The following GRIK4 variants were observed in gnomAD, a reference collection of about 807,000 sequenced individuals.
GRIK4 encodes glutamate ionotropic receptor kainate type subunit 4, also known as glutamate receptor ionotropic, kainate 4.
A neutral mutation model predicts 104.9 loss-of-function variants in GRIK4; 40 were observed. The ratio of observed to expected loss-of-function variants is 0.38; its 90% CI spans 0.30 to 0.50. The LOEUF is 0.50. Ranked by LOEUF, GRIK4 falls within the 20% of genes least tolerant of loss-of-function variation. The pLI is 0.93. For missense variants in GRIK4, 1,047 were observed against 1,308.1 expected (o/e 0.80, Z 3.08); for synonymous variants, 485 against 524.9 (o/e 0.92, Z 1.04).
intron 4 of GRIK4, among the ~76,000 whole-genome samples, chr11:120,813,090 G>A (rs1419265857): frequency 1.3e-5 from 2 of 152,214 alleles, no homozygotes; most frequent in African/African-American, 2.4e-5. Context: ...TTCAGTAGAC[G>A]AGGTGGGCGG....
At chr11:120,891,130 T>G (rs187474804) in intron 11 of GRIK4, among the ~76,000 whole-genome samples, 1 of 152,194 alleles carries the variant, frequency 6.6e-6, no homozygotes, top group East Asian at 1.9e-4. Flanking sequence ...GCAGGCAGGA[T>G]TGCCAGGGCT....
intron 1 of GRIK4, among the ~76,000 whole-genome samples, chr11:120,588,441 T>C (rs1449440573): frequency 6.6e-6 from 1 of 152,088 alleles, no homozygotes; most frequent in Non-Finnish European, 1.5e-5. Flanking sequence ...CTCAATGGGA[T>C]GGGGAGACCG....
chr11:120,541,003 A>G (rs1948028435), intron 1 of GRIK4, among the ~76,000 whole-genome samples: 2 of 152,218 alleles, frequency 1.3e-5, no homozygotes, highest in South Asian at 4.1e-4. Flanking sequence ...TTTGTCTGCT[A>G]CACGTGGCCC....
chr11:120,693,752 G>A (rs1056883137), intron 3 of GRIK4, among the ~76,000 whole-genome samples: 1 of 152,184 alleles, frequency 6.6e-6, no homozygotes, highest in South Asian at 2.1e-4. Flanking sequence ...TGGATGTGGG[G>A]TAGTGGGCAT....
intron 13 of GRIK4, among the ~76,000 whole-genome samples, chr11:120,906,804 C>A (rs1253995392): frequency 1.3e-5 from 2 of 152,142 alleles, no homozygotes; most frequent in African/African-American, 4.8e-5. Flanking sequence ...TCTGCAATGA[C>A]CGAGCAGGGT....
chr11:120,988,106 G>T lies in GRIK4; in HGVS notation c.*1846G>T, dbSNP rs11218094. On this transcript the variant is annotated 3_prime_UTR_variant, in exon 21 of 21. Transcript: ENST00000527524. ...ATCAGTTAGGGCTGCCGTCCTGGGG[G>T]CCAAATGGTACCCTGATTATTCCTG... The T allele has an allele frequency of 0.14, 21,223 of 152,174 alleles. 1,875 individuals are homozygous for T. The highest frequency in any genetic ancestry group is 0.35 in the East Asian group (1,799 of 5,170). 9.4% of individuals were successfully genotyped at this position (152,174 alleles called of 1,614,324 possible).
intron 3 of GRIK4, among the ~76,000 whole-genome samples, chr11:120,753,295 C>CTG (rs1491473145): frequency 3.4e-5 from 4 of 116,050 alleles, no homozygotes; most frequent in Non-Finnish European, 6.9e-5. Context: ...GACAACACAA[C>CTG]TCTGTGTGTG....
At chr11:120,646,522 T>C (rs1949545001) in intron 1 of GRIK4, among the ~76,000 whole-genome samples, 1 of 152,150 alleles carries the variant, frequency 6.6e-6, no homozygotes. Context: ...ATTATTTTTT[T>C]TGCTAGCATT....
chr11:120,621,771 A>G (rs1361821406), intron 1 of GRIK4, among the ~76,000 whole-genome samples: 2 of 152,168 alleles, frequency 1.3e-5, no homozygotes, highest in Non-Finnish European at 2.9e-5. Context: ...GTCAGTTTTG[A>G]CATACTGTCA....
intron 3 of GRIK4, among the ~76,000 whole-genome samples, chr11:120,710,678 C>G (rs1353205524): frequency 1.3e-5 from 2 of 152,188 alleles, no homozygotes; most frequent in African/African-American, 4.8e-5. Context: ...AAGCAGACCT[C>G]CTCCAGATTC....
At chr11:120,592,031 T>A (rs1948740711) in intron 1 of GRIK4, among the ~76,000 whole-genome samples, 1 of 152,164 alleles carries the variant, frequency 6.6e-6, no homozygotes, top group Non-Finnish European at 1.5e-5. Context: ...AGCCCTAGAA[T>A]GCAGGTGGAC....
chr11:120,803,002 G>A, intron 4 of GRIK4, 145 bp downstream of exon 4: 1 of 723,968 alleles, frequency 1.4e-6, no homozygotes. Flanking sequence ...GAACCAGGAG[G>A]TCCTGTGAAG....
At chr11:120,557,339 C>T (rs1948197557) in intron 1 of GRIK4, among the ~76,000 whole-genome samples, 1 of 152,202 alleles carries the variant, frequency 6.6e-6, no homozygotes, top group Non-Finnish European at 1.5e-5. Context: ...AACGGTACCT[C>T]CTGCCATCCA....
chr11:120,938,642 A>G (rs1174420658), intron 13 of GRIK4, among the ~76,000 whole-genome samples: 1 of 152,236 alleles, frequency 6.6e-6, no homozygotes, highest in Non-Finnish European at 1.5e-5. Context: ...GTTTGTACGT[A>G]GTCATTCAGA....
intron 6 of GRIK4, among the ~76,000 whole-genome samples, chr11:120,820,232 A>G (rs1409672679): frequency 2.0e-5 from 3 of 152,162 alleles, no homozygotes; most frequent in Non-Finnish European, 4.4e-5. Context: ...GAACTAGGTT[A>G]CAAGGAGACT....
chr11:120,979,923 C>T (rs1026797586), intron 19 of GRIK4, among the ~76,000 whole-genome samples: 3 of 152,194 alleles, frequency 2.0e-5, no homozygotes, highest in African/African-American at 7.2e-5. Flanking sequence ...CAGCCTCCAC[C>T]TCTTGGGTTC....
intron 1 of GRIK4, among the ~76,000 whole-genome samples, chr11:120,566,473 A>G (rs749184821): frequency 1.3e-5 from 2 of 152,210 alleles, no homozygotes; most frequent in Non-Finnish European, 2.9e-5. Flanking sequence ...AAGTTGGGCC[A>G]GCCTACGATG....
intron 3 of GRIK4, among the ~76,000 whole-genome samples, chr11:120,711,565 T>C (rs965644611): frequency 6.6e-6 from 1 of 152,176 alleles, no homozygotes; most frequent in Non-Finnish European, 1.5e-5. Flanking sequence ...TTTCAGAATC[T>C]AAGAGCAGAG....
rs61452053 is a variant in GRIK4 at position 120,928,960 on chromosome 11, C to CGT, written c.1477-11359_1477-11358dup. Among the ~76,000 whole-genome samples the CGT allele has an allele frequency of 8.7e-3, 1,311 of 150,442 alleles. 10 individuals are homozygous for CGT. The highest frequency in any genetic ancestry group is 0.026 in the African/African-American group (1,076 of 40,806). ...ATGGGCTCGCACTGGTTAGCAAAGA[C>CGT]GTGTGTGTGTGTGTGTGTGTGTGTG... is the stretch of plus-strand genomic sequence containing the variant. On this transcript the variant is annotated intron_variant, in intron 13 of 20. Transcript: ENST00000527524.
Sources: gnomAD v4.1 joint callset for allele counts (sites outside exome capture counted in the v4.1 genomes callset) on GRCh38, gnomAD v4.1.1 for gene constraint, MANE v1.5 for transcripts, NCBI Gene and HGNC (gene_info 2026-07-23, HGNC 2026-07-21) for gene names.